The following GBX1 variants were observed in gnomAD, a reference collection of about 807,000 sequenced individuals.
The protein encoded by GBX1 is homeobox protein GBX-1.
A neutral mutation model predicts 22.9 loss-of-function variants in GBX1; 9 were observed. That is an observed-to-expected ratio of 0.39 (90% CI 0.24 to 0.69). The LOEUF (loss-of-function observed/expected upper bound fraction) is 0.69. Among genes scored for constraint, GBX1 ranks in the 30% least tolerant of loss-of-function variants. The probability of loss-of-function intolerance (pLI) is 0.43; values close to 1 mark genes in which losing one functional copy is unlikely to be tolerated. For synonymous variants in GBX1, 203 were observed against 227.3 expected, an observed-to-expected ratio of 0.89 and a Z score of 0.96; for missense variants, 494 against 509.2, an observed-to-expected ratio of 0.97 and a Z score of 0.29.
At chr7:151,166,376 T>C (rs1242432269) in intron 1 of GBX1, among the ~76,000 whole-genome samples, 2 of 151,900 alleles carry the variant, frequency 1.3e-5, no homozygotes, top group Non-Finnish European at 2.9e-5. Context: ...CAGCGTGTGC[T>C]AGGCCTCCTG....
chr7:151,151,393 C>T lies in GBX1; in HGVS notation c.539-2251G>A, dbSNP rs149982371. 1.3e-3 allele frequency among the ~76,000 whole-genome samples: 197 copies of T among 152,282 alleles called. 2 individuals carry two copies. In the Middle Eastern group the frequency reaches 0.037, roughly 29 times the overall value. ...AGCCTGTTCTTTCCCCTCTATCTCA[C>T]CCCTAGCCAAATCTATGTTGTTTTC... On this transcript the variant is annotated intron_variant, in intron 1 of 1. Transcript: ENST00000297537.
At position 151,160,469 on chromosome 7, in the gene GBX1, G is replaced by A. The variant is rs35471130; in HGVS notation, c.538+6542C>T. Among the ~76,000 whole-genome samples the A allele has an allele frequency of 4.2e-3, 645 of 152,294 alleles. 11 individuals are homozygous for A. Among genetic ancestry groups the A allele is most frequent in the African/African-American group, 0.015 (609 of 41,540 alleles). ...TGCCTCCCATTATCCCCAGTCAGAA[G>A]TATTTTCCTGTTCCTCCCAGTCCTC... On this transcript the variant is annotated intron_variant, in intron 1 of 1. Transcript: ENST00000297537.
At position 151,149,102 on chromosome 7, in the gene GBX1, C is replaced by G; in HGVS notation, c.579G>C (p.Glu193Asp). ...KVYSSDEEKL[E>D]ASAGDPAGSE... is the part of the protein sequence containing the mutation. Reference sequence around the variant, plus strand: ...TGCCTGCTGGGTCTCCTGCTGATGCCTCCAGCTTCTCCTCATCTGAGCTGT... The same window carrying G: ...TGCCTGCTGGGTCTCCTGCTGATGCGTCCAGCTTCTCCTCATCTGAGCTGT... Residue 193 changes from glutamate (E) to aspartate (D), a missense_variant, in exon 2 of 2, where the codon GAG becomes GAC. Physicochemically the swap from Glu to Asp is conservative, Grantham distance 45. This residue lies in a region of GBX1 where 365 missense variants were observed against 340.4 expected (regional missense o/e 1.07). Transcript: ENST00000297537. 1.2e-6 allele frequency: 2 copies of G among 1,611,046 alleles called. No homozygotes were observed. Among genetic ancestry groups the G allele is most frequent in the Non-Finnish European group, 8.5e-7 (1 of 1,180,016 alleles).
At chr7:151,156,725 C>T (rs1440430554) in intron 1 of GBX1, among the ~76,000 whole-genome samples, 5 of 152,086 alleles carry the variant, frequency 3.3e-5, no homozygotes, top group Non-Finnish European at 5.9e-5. Flanking sequence ...TGGCTCATGC[C>T]TGTAATCCTA....
At chr7:151,152,783 C>T (rs1305882573) in intron 1 of GBX1, among the ~76,000 whole-genome samples, 1 of 152,158 alleles carries the variant, frequency 6.6e-6, no homozygotes, top group Non-Finnish European at 1.5e-5. Context: ...GAGCCGGCCA[C>T]CCTCAGTGCT....
chr7:151,163,656 T>C (rs1490959267), intron 1 of GBX1, among the ~76,000 whole-genome samples: 2 of 152,324 alleles, frequency 1.3e-5, no homozygotes, highest in Middle Eastern at 3.4e-3. Flanking sequence ...TTAAAATTAA[T>C]TTTACCTATT....
intron 1 of GBX1, among the ~76,000 whole-genome samples, chr7:151,151,180 C>A (rs548170916): frequency 6.6e-6 from 1 of 152,218 alleles, no homozygotes; most frequent in East Asian, 1.9e-4. Flanking sequence ...AAAGTCCATG[C>A]GGCATGCCCC....
intron 1 of GBX1, among the ~76,000 whole-genome samples, chr7:151,158,826 G>A (rs2150549633): frequency 6.6e-6 from 1 of 152,232 alleles, no homozygotes; most frequent in South Asian, 2.1e-4. Context: ...AGGACAATAA[G>A]GATAAATTCT....
Position 151,148,779 on chromosome 7 carries a change from C to G in GBX1, c.902G>C (p.Ser301Thr), listed in dbSNP as rs1423828303. The G allele has an allele frequency of 6.2e-7, 1 of 1,614,238 alleles. No homozygotes were observed. Among genetic ancestry groups the G allele is most frequent in the South Asian group, 1.1e-5 (1 of 91,084 alleles). The change falls in exon 2 of 2, where the codon AGT becomes ACT. Residue 301 changes from serine to threonine, a missense_variant. By Grantham distance (58) the Ser-to-Thr change is moderately conservative. Around this residue, in one of 3 missense-constraint regions of GBX1, gnomAD observed 124 missense variants for 152.0 expected, o/e 0.82. Transcript: ENST00000297537. The surrounding 1 kb of genome is among the most constrained non-coding windows in gnomAD (Gnocchi z 5.1). ...RSQIAHALKL[S>T]EVQVKIWFQN... The stretch of plus-strand genomic sequence containing the variant: ...AAACCAGATCTTGACCTGCACCTCA[C>G]TGAGCTTGAGGGCGTGGGCGATCTG...
At chr7:151,152,735 C>T (rs934322714) in intron 1 of GBX1, among the ~76,000 whole-genome samples, 3 of 152,182 alleles carry the variant, frequency 2.0e-5, no homozygotes, top group Admixed American at 2.0e-4. Flanking sequence ...TCATCCATCC[C>T]TCTGTCTTCA....
chr7:151,149,662 C>T (rs1190669734), intron 1 of GBX1: 10 of 299,564 alleles, frequency 3.3e-5, no homozygotes, highest in East Asian at 1.1e-4. Context: ...GCAGGACAGA[C>T]GGGGAGAGAA....
chr7:151,155,803 G>A (rs1205091027), intron 1 of GBX1, among the ~76,000 whole-genome samples: 1 of 152,082 alleles, frequency 6.6e-6, no homozygotes. Context: ...GTTGACTGAC[G>A]TAGAGCAGAT....
rs1239146150 is a variant in GBX1 at position 151,148,756 on chromosome 7, A to G, written c.925T>C (p.Phe309Leu). 1.4e-5 allele frequency: 22 copies of G among 1,614,162 alleles called. No homozygotes were observed. Among genetic ancestry groups the G allele is most frequent in the Non-Finnish European group, 1.9e-5 (22 of 1,180,026 alleles). ...KLSEVQVKIW[F>L]QNRRAKWKRI... ...TTCCACTTGGCCCGTCGATTCTGAA[A>G]CCAGATCTTGACCTGCACCTCACTG... Residue 309 changes from phenylalanine (F) to leucine (L), a missense_variant, in exon 2 of 2, where the codon TTT (phenylalanine) becomes CTT (leucine). Coordinates refer to ENST00000297537, the MANE Select transcript of GBX1 (RefSeq NM_001098834.3). This position sits in a 1 kb window ranked among gnomAD's most constrained non-coding sequence, Gnocchi z 5.1.
At chr7:151,165,352 C>G (rs1801237986) in intron 1 of GBX1, among the ~76,000 whole-genome samples, 1 of 152,158 alleles carries the variant, frequency 6.6e-6, no homozygotes, top group African/African-American at 2.4e-5. Flanking sequence ...GCATATGCCC[C>G]TAAGTCCCCG....
intron 1 of GBX1, among the ~76,000 whole-genome samples, chr7:151,164,645 C>G (rs1307324067): frequency 1.3e-5 from 2 of 152,124 alleles, no homozygotes; most frequent in African/African-American, 4.8e-5. Context: ...TTACATGTAT[C>G]TCCTCCCAGC....
chr7:151,163,609 T>C lies in GBX1; in HGVS notation c.538+3402A>G, dbSNP rs78299793. On this transcript the variant is annotated intron_variant, in intron 1 of 1. Transcript: ENST00000297537. ...ATTAAAATGTTAATATTGATTAATG[T>C]TGAAATAATATTTTGGACATCTTGA... Among the ~76,000 whole-genome samples the C allele has an allele frequency of 1.6e-4, 25 of 152,346 alleles. No individual in the cohort carries two copies. In the East Asian group the frequency reaches 4.6e-3, roughly 28 times the overall value.
chr7:151,165,088 G>A (rs1045374086), intron 1 of GBX1, among the ~76,000 whole-genome samples: 1 of 151,976 alleles, frequency 6.6e-6, no homozygotes, highest in Non-Finnish European at 1.5e-5. Flanking sequence ...TTCCAGCAGA[G>A]AACCCTCTCC....
chr7:151,149,264 G>T, intron 1 of GBX1, 122 bp from the exon 2 acceptor site: 1 of 896,576 alleles, frequency 1.1e-6, no homozygotes, highest in Non-Finnish European at 1.7e-6. Context: ...AAAAAAGAGA[G>T]CCATGGAGAG....
Position 151,149,007 on chromosome 7 carries a change from C to A in GBX1, c.674G>T (p.Gly225Val). Residue 225 changes from glycine (G) to valine (V), a missense_variant, in exon 2 of 2, where the codon GGC becomes GTC. Around this residue, in one of 3 missense-constraint regions of GBX1, gnomAD observed 365 missense variants for 340.4 expected, o/e 1.07. Transcript: ENST00000297537. ...DDGFLDSSAG[G>V]PGALLGPKPK... is the part of the protein sequence containing the mutation. Reference sequence around the variant, plus strand: ...TTTAGGTCCCAGAAGAGCCCCTGGGCCCCCTGCAGAACTGTCCAGGAAACC... The same window carrying A: ...TTTAGGTCCCAGAAGAGCCCCTGGGACCCCTGCAGAACTGTCCAGGAAACC... 1 of 1,613,966 alleles carries A rather than the reference C, an allele frequency of 6.2e-7. No homozygotes were observed. Among genetic ancestry groups the A allele is most frequent in the South Asian group, 1.1e-5 (1 of 91,074 alleles).
Sources: gnomAD v4.1 joint callset for allele counts (sites outside exome capture counted in the v4.1 genomes callset) on GRCh38, gnomAD v4.1.1 for gene constraint, gnomAD v4.1.1 regional missense constraint, Gnocchi (gnomAD v3.1) non-coding constraint, MANE v1.5 for transcripts, NCBI Gene and HGNC (gene_info 2026-07-23, HGNC 2026-07-21) for gene names.